Variants in DLGAP2 observed in about 807,000 individuals in gnomAD.
DLGAP2 encodes the protein disks large-associated protein 2.
In DLGAP2, 26 loss-of-function variants were observed where a neutral mutation model predicts 100.3. The ratio of observed to expected loss-of-function variants is 0.26; its 90% CI spans 0.19 to 0.36. The LOEUF (loss-of-function observed/expected upper bound fraction) is 0.36, where lower values mean the gene tolerates loss of function less well. Among genes scored for constraint, DLGAP2 ranks in the 10% least tolerant of loss-of-function variants. The pLI, the probability that DLGAP2 is intolerant of heterozygous loss-of-function variation, is 1.00. For synonymous variants in DLGAP2, 886 were observed against 630.1 expected (o/e 1.41, Z -6.08); for missense variants, 1,858 against 1,453.2 (o/e 1.28, Z -4.53).
intron 3 of DLGAP2, among the ~76,000 whole-genome samples, chr8:1,283,489 C>T (rs931476973): frequency 6.6e-6 from 1 of 152,208 alleles, no homozygotes. Context: ...CTTTGCTCTG[C>T]TGAAAAGATG....
At chr8:1,599,470 C>T (rs1424561123) in intron 6 of DLGAP2, among the ~76,000 whole-genome samples, 1 of 152,092 alleles carries the variant, frequency 6.6e-6, no homozygotes, top group Non-Finnish European at 1.5e-5. Flanking sequence ...GTGAAAGTCT[C>T]CCATTATTAT....
intron 3 of DLGAP2, among the ~76,000 whole-genome samples, chr8:1,434,043 T>C (rs769966075): frequency 1.3e-5 from 2 of 152,146 alleles, no homozygotes; most frequent in South Asian, 2.1e-4. Context: ...GAAAGTGTTT[T>C]TGCGAAGTCC....
At chr8:1,171,435 C>A (rs1314908087) in intron 2 of DLGAP2, among the ~76,000 whole-genome samples, 1 of 151,962 alleles carries the variant, frequency 6.6e-6, no homozygotes, top group Non-Finnish European at 1.5e-5. Flanking sequence ...TCCTGGGTAT[C>A]CTTGTTGACT....
At chr8:1,053,355 CTACACAGGCAG>C (rs1309364822) in intron 2 of DLGAP2, among the ~76,000 whole-genome samples, 1 of 152,020 alleles carries the variant, frequency 6.6e-6, no homozygotes, top group Non-Finnish European at 1.5e-5. Flanking sequence ...GAAGTGCTTC[CTACACAGGCAG>C]TACAAGTGAT....
At chr8:1,267,545 C>A (rs1209114132) in intron 3 of DLGAP2, among the ~76,000 whole-genome samples, 2 of 128,442 alleles carry the variant, frequency 1.6e-5, no homozygotes, top group Non-Finnish European at 3.2e-5. Context: ...GGAGACAGAG[C>A]AAAATTCCCG....
chr8:1,390,073 A>G (rs740248), intron 3 of DLGAP2, among the ~76,000 whole-genome samples: 4 of 152,040 alleles, frequency 2.6e-5, no homozygotes, highest in Non-Finnish European at 4.4e-5. Context: ...CTGACATTTC[A>G]TCCGTTGATG....
intron 2 of DLGAP2, among the ~76,000 whole-genome samples, chr8:1,100,817 A>G (rs1379392098): frequency 2.6e-5 from 4 of 152,194 alleles, no homozygotes; most frequent in Admixed American, 2.0e-4. Flanking sequence ...GAAATAGACT[A>G]ACCTTGAAAA....
intron 3 of DLGAP2, among the ~76,000 whole-genome samples, chr8:1,309,409 C>G (rs1378399412): frequency 6.6e-6 from 1 of 152,090 alleles, no homozygotes. Context: ...AAAAGCTTAT[C>G]TCTTGATTTC....
chr8:1,565,528 A>C, intron 5 of DLGAP2, 155 bp from the exon 6 acceptor site: 1 of 614,914 alleles, frequency 1.6e-6, no homozygotes, highest in Admixed American at 3.4e-5. Flanking sequence ...ATTTCCTTTT[A>C]GGATATGCAT....
At chr8:1,501,595 A>G (rs947555918) in intron 4 of DLGAP2, among the ~76,000 whole-genome samples, 164 bp downstream of exon 4, 2 of 152,196 alleles carry the variant, frequency 1.3e-5, no homozygotes, top group African/African-American at 4.8e-5. Flanking sequence ...CAAAAATAAT[A>G]GTTTTTAAGC....
chr8:963,020 A>G (rs1289467383), intron 2 of DLGAP2, among the ~76,000 whole-genome samples: 1 of 152,208 alleles, frequency 6.6e-6, no homozygotes, highest in Non-Finnish European at 1.5e-5. Context: ...TCGCACAGCC[A>G]TGCTGGCTGC....
chr8:1,380,948 A>AAC (rs1323218004), intron 3 of DLGAP2: 1 of 139,278 alleles, frequency 7.2e-6, no homozygotes, highest in African/African-American at 3.0e-5. Context: ...AAAAAAAAAA[A>AAC]AAAAAAAAAA....
At chr8:1,503,912 G>T (rs1398099892) in intron 4 of DLGAP2, among the ~76,000 whole-genome samples, 2 of 152,136 alleles carry the variant, frequency 1.3e-5, no homozygotes. Flanking sequence ...GGAGAGGGAG[G>T]AACTGCTGTA....
chr8:932,957 G>A (rs1798992127), intron 2 of DLGAP2, among the ~76,000 whole-genome samples: 2 of 152,094 alleles, frequency 1.3e-5, no homozygotes, highest in Non-Finnish European at 2.9e-5. Context: ...GACTGTTTTG[G>A]GCAAAGATAA....
chr8:1,055,022 G>A (rs1012847164), intron 2 of DLGAP2, among the ~76,000 whole-genome samples: 1 of 152,166 alleles, frequency 6.6e-6, no homozygotes, highest in African/African-American at 2.4e-5. Flanking sequence ...GAATGTTGAG[G>A]CCACATGGTC....
chr8:748,790 C>A (rs1444619084), intron 1 of DLGAP2, among the ~76,000 whole-genome samples: 2 of 152,204 alleles, frequency 1.3e-5, no homozygotes, highest in Non-Finnish European at 2.9e-5. Flanking sequence ...CAGCCAGTGG[C>A]TTCCCAGTGG....
chr8:1,010,382 C>T (rs1801244670), intron 2 of DLGAP2, among the ~76,000 whole-genome samples: 1 of 152,004 alleles, frequency 6.6e-6, no homozygotes, highest in African/African-American at 2.4e-5. Flanking sequence ...CATGTGTGCA[C>T]AGTCAGATAT....
intron 1 of DLGAP2, chr8:738,674 G>GGGGCTGGGCTGGGCTGGGCTGGGCT (rs561000545): frequency 1.8e-4 from 27 of 149,180 alleles, no homozygotes; most frequent in African/African-American, 5.9e-4. Flanking sequence ...GCGCCCAGGT[G>GGGGCTGGGCTGGGCTGGGCTGGGCT]GGGCTGGGCT....
intron 1 of DLGAP2, among the ~76,000 whole-genome samples, chr8:881,911 A>G (rs1345576011): frequency 3.3e-5 from 5 of 152,010 alleles, no homozygotes; most frequent in African/African-American, 2.4e-5. Flanking sequence ...CTCCCACCCA[A>G]TATCCAGTCT....
Sources: gnomAD v4.1 joint callset for allele counts (sites outside exome capture counted in the v4.1 genomes callset) on GRCh38, gnomAD v4.1.1 for gene constraint, MANE v1.5 for transcripts, NCBI Gene and HGNC (gene_info 2026-07-23, HGNC 2026-07-21) for gene names.